The following SLCO5A1 variants were observed in gnomAD, a reference collection of about 807,000 sequenced individuals.
SLCO5A1 encodes solute carrier organic anion transporter family member 5A1.
A neutral mutation model predicts 65.1 loss-of-function variants in SLCO5A1; 39 were observed. The observed-to-expected ratio is 0.60, with a 90% confidence interval of 0.46 to 0.78. The LOEUF is 0.78. Ranked by LOEUF, SLCO5A1 falls within the 30% of genes least tolerant of loss-of-function variation. The pLI is 0.00. For missense variants in SLCO5A1, 1,029 were observed against 1,069.4 expected (o/e 0.96, Z 0.53); for synonymous variants, 438 against 415.7 (o/e 1.05, Z -0.65).
chr8:69,724,338 C>T (rs1041719847), intron 5 of SLCO5A1, among the ~76,000 whole-genome samples: 3 of 152,142 alleles, frequency 2.0e-5, no homozygotes, highest in African/African-American at 7.2e-5. Flanking sequence ...CAAATTGTCC[C>T]TTGCACAGGT....
chr8:69,785,028 A>C (rs1818996675), intron 2 of SLCO5A1, among the ~76,000 whole-genome samples: 1 of 150,670 alleles, frequency 6.6e-6, no homozygotes, highest in Admixed American at 6.6e-5. Context: ...AAGAAAGGGA[A>C]GGAAGGGGAA....
chr8:69,775,733 G>A, intron 2 of SLCO5A1, among the ~76,000 whole-genome samples: 1 of 152,164 alleles, frequency 6.6e-6, no homozygotes, highest in East Asian at 1.9e-4. Context: ...AGAAGCTGCA[G>A]CTGGACACAG....
At chr8:69,702,424 T>C (rs1814781144) in intron 6 of SLCO5A1, among the ~76,000 whole-genome samples, 1 of 152,190 alleles carries the variant, frequency 6.6e-6, no homozygotes, top group African/African-American at 2.4e-5. Context: ...TCTATACTGC[T>C]TTTTCATTTT....
In SLCO5A1 at chr8:69,684,966, A is replaced by G. The variant is rs965214101; in HGVS notation, c.1623-2623T>C. ...CAACTTTCACACTGTTCAAGGAGGC[A>G]AAAAGCTTTCCTGAGTTTAGGAAAC... On this transcript the variant is annotated intron_variant, in intron 6 of 9. Transcript: ENST00000260126. 4.6e-5 allele frequency among the ~76,000 whole-genome samples: 7 copies of G among 152,366 alleles called. No homozygotes were observed. In the South Asian group the frequency reaches 1.4e-3, roughly 32 times the overall value.
chr8:69,794,386 T>C (rs907827311), intron 2 of SLCO5A1: 1 of 433,496 alleles, frequency 2.3e-6, no homozygotes, highest in Non-Finnish European at 4.5e-6. Context: ...ATTGTAAAGA[T>C]GGTGAATTTA....
At chr8:69,796,642 A>G (rs1389736700) in intron 2 of SLCO5A1, among the ~76,000 whole-genome samples, 1 of 147,362 alleles carries the variant, frequency 6.8e-6, no homozygotes, top group African/African-American at 2.7e-5. Context: ...ATATATATAC[A>G]CACACACATA....
At chr8:69,762,575 G>C (rs1817848561) in intron 2 of SLCO5A1, among the ~76,000 whole-genome samples, 1 of 151,932 alleles carries the variant, frequency 6.6e-6, no homozygotes, top group South Asian at 2.1e-4. Flanking sequence ...TAATGAGGCA[G>C]TCACTGAATA....
rs1039473079 is a variant in SLCO5A1, at chr8:69,703,938, C to A, written c.1622+1093G>T. ...CTACCTGTATGATAGAAACATTATA[C>A]AATGGTGTGTGACTTAGCACCTCCT... is the stretch of plus-strand genomic sequence containing the variant. On this transcript the variant is annotated intron_variant, in intron 6 of 9. Transcript: ENST00000260126. 2.0e-5 allele frequency among the ~76,000 whole-genome samples: 3 copies of A among 152,298 alleles called. No homozygotes were observed. The East Asian group carries it at 5.8e-4, about 29-fold the overall frequency.
chr8:69,717,499 AC>A (rs1440351400), intron 5 of SLCO5A1, among the ~76,000 whole-genome samples: 1 of 152,164 alleles, frequency 6.6e-6, no homozygotes, highest in East Asian at 1.9e-4. Context: ...GATTACTGTT[AC>A]TTTTCAGTAA....
intron 2 of SLCO5A1, among the ~76,000 whole-genome samples, chr8:69,763,801 A>T (rs746429415): frequency 6.6e-6 from 1 of 152,082 alleles, no homozygotes; most frequent in Non-Finnish European, 1.5e-5. Context: ...TGAGAATCAT[A>T]GAAAAATCTA....
At chr8:69,824,956 T>C (rs968943348) in intron 2 of SLCO5A1, among the ~76,000 whole-genome samples, 1 of 152,112 alleles carries the variant, frequency 6.6e-6, no homozygotes, top group Non-Finnish European at 1.5e-5. Context: ...ATCCCTGGGA[T>C]GCAAGGCTGG....
At chr8:69,748,462 C>G (rs1391683650) in intron 4 of SLCO5A1, among the ~76,000 whole-genome samples, 1 of 152,132 alleles carries the variant, frequency 6.6e-6, no homozygotes, top group East Asian at 1.9e-4. Context: ...AAAGATGTGG[C>G]TTACTACCAG....
intron 2 of SLCO5A1, among the ~76,000 whole-genome samples, chr8:69,826,547 C>T (rs1318963165): frequency 2.0e-5 from 3 of 152,036 alleles, no homozygotes; most frequent in African/African-American, 7.2e-5. Context: ...CCATCACTGG[C>T]CATCAGAGAA....
intron 2 of SLCO5A1, among the ~76,000 whole-genome samples, chr8:69,769,202 G>A (rs983146770): frequency 2.0e-5 from 3 of 152,194 alleles, no homozygotes; most frequent in Admixed American, 6.5e-5. Flanking sequence ...ACAGGCCACA[G>A]GAATGTCTGT....
chr8:69,705,566 G>A (rs1814933696), intron 5 of SLCO5A1, among the ~76,000 whole-genome samples: 1 of 152,156 alleles, frequency 6.6e-6, no homozygotes, highest in African/African-American at 2.4e-5. Flanking sequence ...TCATTACACA[G>A]AAGGAAATAC....
At chr8:69,711,419 A>G (rs1815251457) in intron 5 of SLCO5A1, among the ~76,000 whole-genome samples, 1 of 152,088 alleles carries the variant, frequency 6.6e-6, no homozygotes, top group Admixed American at 6.5e-5. Context: ...AATGGCCAAG[A>G]CCTGGGGAGC....
At chr8:69,782,217 G>T (rs945378232) in intron 2 of SLCO5A1, among the ~76,000 whole-genome samples, 18 of 151,618 alleles carry the variant, frequency 1.2e-4, no homozygotes, top group Non-Finnish European at 2.9e-5. Context: ...ATGTATCCCA[G>T]AACTTAAAGT....
intron 2 of SLCO5A1, among the ~76,000 whole-genome samples, chr8:69,763,003 A>T (rs948509576): frequency 6.6e-6 from 1 of 152,214 alleles, no homozygotes; most frequent in Non-Finnish European, 1.5e-5. Context: ...GTATCCAAAA[A>T]TCTTGCCATC....
chr8:69,690,982 T>TG (rs1370057262), intron 6 of SLCO5A1, among the ~76,000 whole-genome samples: 2 of 152,232 alleles, frequency 1.3e-5, no homozygotes, highest in African/African-American at 4.8e-5. Context: ...AAAAAGTCTT[T>TG]ATACAGACAT....
Sources: allele counts gnomAD v4.1 joint callset (sites outside exome capture counted in the v4.1 genomes callset), GRCh38; gene constraint gnomAD v4.1.1; transcripts MANE v1.5; gene names NCBI Gene and HGNC (gene_info 2026-07-23, HGNC 2026-07-21).